Variants in CIAO3 observed in about 807,000 individuals in gnomAD.
The protein encoded by CIAO3 is cytosolic iron-sulfur assembly component 3, also known as LET1 like/JFP15.
In CIAO3, 45 loss-of-function variants were observed where a neutral mutation model predicts 51.5. The ratio of observed to expected loss-of-function variants is 0.87; its 90% CI spans 0.69 to 1.12. CIAO3 has a LOEUF of 1.12. Ranked by LOEUF, CIAO3 falls within the 50% of genes most tolerant of loss-of-function variation. The probability of loss-of-function intolerance (pLI) is 0.00; values close to 1 mark genes in which losing one functional copy is unlikely to be tolerated. For missense variants in CIAO3, 668 were observed against 632.5 expected (o/e 1.06, Z -0.60); for synonymous variants, 314 against 269.3 (o/e 1.17, Z -1.63).
intron 5 of CIAO3, 45 bp downstream of exon 5, chr16:734,692 C>T: frequency 1.9e-6 from 3 of 1,612,774 alleles, no homozygotes; most frequent in South Asian, 1.1e-5. Context: ...CACGTTTCAA[C>T]TGCACTTGAA....
chr16:736,197 AG>A, intron 4 of CIAO3, 68 bp downstream of exon 4: 1 of 1,592,948 alleles, frequency 6.3e-7, no homozygotes, highest in Non-Finnish European at 8.6e-7. Flanking sequence ...CAGAGGCGCG[AG>A]GGGCCTGGGC....
At chr16:733,046 C>A in intron 7 of CIAO3, 1 of 501,464 alleles carries the variant, frequency 2.0e-6, no homozygotes, top group Non-Finnish European at 3.6e-6. Flanking sequence ...TGCCCACCTC[C>A]AAAGACTCAT....
chr16:733,917 G>C, intron 6 of CIAO3: 1 of 414,784 alleles, frequency 2.4e-6, no homozygotes, highest in Non-Finnish European at 4.5e-6. Context: ...GGTGGGGGTC[G>C]TGCTGGGCAT....
chr16:733,420 G>T lies in CIAO3; in HGVS notation c.701C>A (p.Thr234Asn), dbSNP rs1415353300. Reference sequence around the variant, plus strand: ...TGTGACGTGGTAGATCTTGTCAGGGGTCAAGTGCTACAAGGAGAAACAAAC... The same window carrying T: ...TGTGACGTGGTAGATCTTGTCAGGGTTCAAGTGCTACAAGGAGAAACAAAC... ...KDFFAQQQHL[T>N]PDKIYHVTVM... The change falls in exon 7 of 11, where the codon ACC (threonine) becomes AAC (asparagine). Residue 234 changes from threonine to asparagine, a missense_variant. Transcript: ENST00000251588. 1.9e-6 allele frequency: 3 copies of T among 1,613,634 alleles called. No homozygotes were observed. The highest frequency in any genetic ancestry group is 2.2e-5 in the East Asian group (1 of 44,890).
intron 8 of CIAO3, 92 bp downstream of exon 8, chr16:732,208 GC>G: frequency 2.8e-5 from 37 of 1,344,496 alleles, no homozygotes; most frequent in Non-Finnish European, 3.7e-5. Context: ...GCCAAGATGG[GC>G]TGCGGGGAGG....
intron 2 of CIAO3, among the ~76,000 whole-genome samples, chr16:739,120 A>ACCC (rs1185650282): frequency 2.6e-5 from 4 of 151,126 alleles, no homozygotes; most frequent in African/African-American, 9.7e-5. Flanking sequence ...ACACGGTGAA[A>ACCC]CCCCGTCTCT....
At position 729,915 on chromosome 16, in the gene CIAO3, G is replaced by T. The variant is rs1439126432; in HGVS notation, c.*502C>A. The T allele has an allele frequency of 5.6e-6, 2 of 356,466 alleles. No individual in the cohort carries two copies. Among genetic ancestry groups the T allele is most frequent in the Non-Finnish European group, 1.0e-5 (2 of 193,630 alleles). 22.1% of individuals were successfully genotyped at this position (356,466 alleles called of 1,614,324 possible). A position where few individuals can be genotyped will look rare whatever the true frequency, so the allele number is the denominator to read the frequency against. On this transcript the variant is annotated 3_prime_UTR_variant, in exon 11 of 11. Coordinates refer to ENST00000251588, the MANE Select transcript of CIAO3 (RefSeq NM_022493.3). ...CGTAACGGTAACCCCTGCTTTCCAG[G>T]GGCCTGGCACCCCCCCCTGCCAGGG...
intron 5 of CIAO3, 82 bp downstream of exon 5, chr16:734,655 G>C (rs751734829): frequency 6.2e-7 from 1 of 1,607,482 alleles, no homozygotes; most frequent in South Asian, 1.1e-5. Context: ...CCATGCCCCC[G>C]CCTTGTCATT....
At chr16:732,777 C>T (rs1424528707) in intron 7 of CIAO3, 3 of 345,198 alleles carry the variant, frequency 8.7e-6, no homozygotes, top group Non-Finnish European at 1.7e-5. Flanking sequence ...GCTGGGATTA[C>T]AGGAGCACCA....
chr16:737,133 T>C lies in CIAO3; in HGVS notation c.306+53A>G, dbSNP rs1225120430. 1.2e-6 allele frequency: 2 copies of C among 1,604,384 alleles called. No individual in the cohort carries two copies. Among genetic ancestry groups the C allele is most frequent in the African/African-American group, 2.7e-5 (2 of 74,790 alleles). ...GCCCTTGGCAAAACGCGTTGTCGGC[T>C]GCTGGGATGGATTTCAGGTTAAAGC... On this transcript the variant is annotated intron_variant, in intron 3 of 10. Transcript: ENST00000251588. This position sits in a 1 kb window ranked among gnomAD's most constrained non-coding sequence, Gnocchi z 5.3.
At position 737,745 on chromosome 16, in the gene CIAO3, G is replaced by A. The variant is rs1357446090; in HGVS notation, c.163-416C>T. 2 of 1,273,888 alleles carry A rather than the reference G, an allele frequency of 1.6e-6. No individual in the cohort carries two copies. Among genetic ancestry groups the A allele is most frequent in the Non-Finnish European group, 2.0e-6 (2 of 980,866 alleles). 78.9% of individuals were successfully genotyped at this position (1,273,888 alleles called of 1,614,324 possible). Reference sequence around the variant, plus strand: ...GAGGACAAAGGAGGAAAGGACGAAGGCACAGGAAGAGGAGAGCAGAGGGAG... The same window carrying A: ...GAGGACAAAGGAGGAAAGGACGAAGACACAGGAAGAGGAGAGCAGAGGGAG... On this transcript the variant is annotated intron_variant, in intron 2 of 10. Coordinates refer to ENST00000251588, the MANE Select transcript of CIAO3 (RefSeq NM_022493.3). This position sits in a 1 kb window ranked among gnomAD's most constrained non-coding sequence, Gnocchi z 5.3.
At chr16:739,026 G>A (rs867764526) in intron 2 of CIAO3, among the ~76,000 whole-genome samples, 6 of 149,540 alleles carry the variant, frequency 4.0e-5, no homozygotes, top group Non-Finnish European at 7.4e-5. Context: ...GGCTGGGCGC[G>A]GTGGCTCACG....
chr16:730,264 G>C lies in CIAO3; in HGVS notation c.*153C>G. On this transcript the variant is annotated 3_prime_UTR_variant, in exon 11 of 11. Transcript: ENST00000251588. ...GGCACCCAACTGGAGGTGACGAGGC[G>C]GCTGCGGGTCCTGGCTAGTCCTAGC... 1 of 742,624 alleles carries C rather than the reference G, an allele frequency of 1.3e-6. No individual in the cohort carries two copies. The highest frequency in any genetic ancestry group is 2.2e-6 in the Non-Finnish European group (1 of 458,282). 46.0% of individuals were successfully genotyped at this position (742,624 alleles called of 1,614,324 possible).
chr16:738,978 T>G (rs2041365840), intron 2 of CIAO3, among the ~76,000 whole-genome samples: 1 of 148,204 alleles, frequency 6.7e-6, no homozygotes. Flanking sequence ...TCTTATCACT[T>G]AGAGAGGAAG....
rs933844797 is a variant in CIAO3 at position 731,569 on chromosome 16, G to A, written c.1030C>T (p.Leu344=). ...GATCTGGCCCATCCCACTGACCTCA[G>A]GGGTTTGTAGGTAACCTCAGCCACA... ...IHVAEVTYKP[L]RNKDFQEVTL... The change falls in exon 9 of 11, where the codon CTG becomes TTG. Residue 344 remains leucine (L), a synonymous_variant. Transcript: ENST00000251588. The A allele has an allele frequency of 6.4e-7, 1 of 1,565,712 alleles. No individual in the cohort carries two copies.
At chr16:740,152 C>A (rs901364757) in intron 1 of CIAO3, 2 of 1,275,704 alleles carry the variant, frequency 1.6e-6, no homozygotes, top group South Asian at 2.5e-5. Flanking sequence ...AAGTGGATTT[C>A]TCTCTCTTCT....
intron 2 of CIAO3, 30 bp downstream of exon 2, chr16:739,608 CAGGAG>C (rs1567347030): frequency 1.3e-5 from 20 of 1,592,724 alleles, no homozygotes; most frequent in Non-Finnish European, 1.7e-5. Flanking sequence ...ATCAGCCGGG[CAGGAG>C]AGATGGTGGA....
chr16:736,014 A>T (rs2041333518), intron 4 of CIAO3, among the ~76,000 whole-genome samples: 1 of 152,242 alleles, frequency 6.6e-6, no homozygotes, highest in Non-Finnish European at 1.5e-5. Flanking sequence ...TCAGCTAAAA[A>T]GTACAAGGAG....
At position 737,771 on chromosome 16, in the gene CIAO3, GA is replaced by G; in HGVS notation, c.163-443del. The G allele has an allele frequency of 8.1e-7, 1 of 1,227,552 alleles. No homozygotes were observed. The highest frequency in any genetic ancestry group is 1.0e-6 in the Non-Finnish European group (1 of 958,298). 76.0% of individuals were successfully genotyped at this position (1,227,552 alleles called of 1,614,324 possible). A position where few individuals can be genotyped will look rare whatever the true frequency, so the allele number is the denominator to read the frequency against. On this transcript the variant is annotated intron_variant, in intron 2 of 10. Coordinates refer to ENST00000251588, the MANE Select transcript of CIAO3 (RefSeq NM_022493.3). The surrounding 1 kb of genome is among the most constrained non-coding windows in gnomAD (Gnocchi z 5.3). ...CACAGGAAGAGGAGAGCAGAGGGAG[GA>G]AGCCTGGGAGCCTGGCCTCCGGTGG...
Sources: gnomAD v4.1 joint callset for allele counts (sites outside exome capture counted in the v4.1 genomes callset) on GRCh38, gnomAD v4.1.1 for gene constraint, Gnocchi (gnomAD v3.1) non-coding constraint, MANE v1.5 for transcripts, NCBI Gene and HGNC (gene_info 2026-07-23, HGNC 2026-07-21) for gene names.